PARD3B: variants seen among roughly 807,000 people sequenced by gnomAD.
PARD3B encodes the protein par-3 family cell polarity regulator beta, also known as partitioning defective 3 homolog B.
Under a neutral mutation model 130.2 loss-of-function variants are expected in PARD3B, and 103 were observed. That is an observed-to-expected ratio of 0.79 (90% CI 0.67 to 0.93). The LOEUF (loss-of-function observed/expected upper bound fraction) is 0.93. Ranked by LOEUF, PARD3B falls within the 40% of genes least tolerant of loss-of-function variation. The pLI, the probability that PARD3B is intolerant of heterozygous loss-of-function variation, is 0.00. For synonymous variants in PARD3B, 583 were observed against 553.2 expected, an observed-to-expected ratio of 1.05 and a Z score of -0.76; for missense variants, 1,609 against 1,499.2, an observed-to-expected ratio of 1.07 and a Z score of -1.21.
chr2:205,455,831 G>A (rs539414943), intron 20 of PARD3B, among the ~76,000 whole-genome samples: 3 of 152,150 alleles, frequency 2.0e-5, no homozygotes, highest in African/African-American at 7.2e-5. Context: ...CATGTGCATA[G>A]TTCTGTGCCA....
rs558637795 is a variant in PARD3B at position 204,935,975 on chromosome 2, G to A, written c.223-29177G>A. ...TTAATATTAATTGAGTATACATTGTGTACTAGGTTCTGGGAAGGCCCTAAG... is the reference window on the plus strand; with the variant it reads ...TTAATATTAATTGAGTATACATTGTATACTAGGTTCTGGGAAGGCCCTAAG... On this transcript the variant is annotated intron_variant, in intron 2 of 22. Transcript: ENST00000406610. Among the ~76,000 whole-genome samples, 12 of 152,310 alleles carry A rather than the reference G, an allele frequency of 7.9e-5. No individual in the cohort carries two copies. The East Asian group carries it at 1.2e-3, about 15-fold the overall frequency.
intron 2 of PARD3B, among the ~76,000 whole-genome samples, chr2:204,725,858 T>C (rs1282929085): frequency 1.3e-5 from 2 of 152,186 alleles, no homozygotes; most frequent in Non-Finnish European, 2.9e-5. Flanking sequence ...TCTGATATGA[T>C]TCCTACCAAT....
Position 204,967,480 on chromosome 2 carries a change from C to T in PARD3B, c.394+2157C>T, listed in dbSNP as rs1184778998. 6.6e-6 allele frequency among the ~76,000 whole-genome samples: 1 copy of T among 152,178 alleles called. No homozygotes were observed. The highest frequency in any genetic ancestry group is 2.4e-5 in the African/African-American group (1 of 41,446). On this transcript the variant is annotated intron_variant, in intron 3 of 22. Coordinates refer to ENST00000406610, the MANE Select transcript of PARD3B (RefSeq NM_001302769.2). The surrounding 1 kb of genome is among the most constrained non-coding windows in gnomAD (Gnocchi z 4.4). ...TATGTAATATAACTCCCCTGCTTAA[C>T]GACCTTCACTGGCTTCCCATCACCC...
At position 205,047,584 on chromosome 2, in the gene PARD3B, C is replaced by A; in HGVS notation, c.398C>A (p.Thr133Asn). The A allele has an allele frequency of 6.5e-7, 1 of 1,548,414 alleles. No individual in the cohort carries two copies. The highest frequency in any genetic ancestry group is 8.7e-7 in the Non-Finnish European group (1 of 1,145,496). Residue 133 changes from threonine to asparagine, a missense_variant, in exon 4 of 23, where the codon ACT becomes AAT. Thr to Asn is a moderately conservative substitution (Grantham distance 65). Coordinates refer to ENST00000406610, the MANE Select transcript of PARD3B (RefSeq NM_001302769.2). ...EVTPSALKLG[T>N]PLLVRRSSDP... ...CACCTCTCACTTTGTCTTCCAGGCA[C>A]TCCACTGCTGGTGAGGAGAAGCAGT... is the stretch of plus-strand genomic sequence containing the variant.
intron 16 of PARD3B, among the ~76,000 whole-genome samples, chr2:205,279,307 C>G (rs1475073684): frequency 6.6e-6 from 1 of 152,042 alleles, no homozygotes; most frequent in Non-Finnish European, 1.5e-5. Flanking sequence ...TAGCCTCTAT[C>G]ACCTACACAT....
intron 4 of PARD3B, among the ~76,000 whole-genome samples, chr2:205,089,731 C>T (rs1701983473): frequency 1.3e-5 from 2 of 152,146 alleles, no homozygotes; most frequent in African/African-American, 4.8e-5. Flanking sequence ...TTATTTTGTT[C>T]AACTTTTTTG....
chr2:205,012,826 T>C (rs1390122687), intron 3 of PARD3B, among the ~76,000 whole-genome samples: 1 of 152,222 alleles, frequency 6.6e-6, no homozygotes, highest in East Asian at 1.9e-4. Flanking sequence ...TTACAATACC[T>C]CAAGGTGAAA....
intron 15 of PARD3B, among the ~76,000 whole-genome samples, chr2:205,242,242 G>C (rs184381877): frequency 1.7e-4 from 26 of 152,194 alleles, no homozygotes; most frequent in Admixed American, 7.2e-4. Flanking sequence ...TTTTCAAATA[G>C]TTTATATTAG....
chr2:205,227,254 C>G (rs1334244009), intron 15 of PARD3B, among the ~76,000 whole-genome samples: 1 of 152,104 alleles, frequency 6.6e-6, no homozygotes, highest in African/African-American at 2.4e-5. Flanking sequence ...TCTCGATGAT[C>G]TGTCCAATGC....
At chr2:205,170,972 G>A (rs17188687) in intron 11 of PARD3B, among the ~76,000 whole-genome samples, 49,998 of 151,880 alleles carry the variant, frequency 0.33, 8,565 homozygotes, top group Middle Eastern at 0.51. Flanking sequence ...AGATTCATGG[G>A]AACCTTTGAC....
intron 2 of PARD3B, among the ~76,000 whole-genome samples, chr2:204,724,215 A>G (rs2039121205): frequency 6.6e-6 from 1 of 152,168 alleles, no homozygotes; most frequent in African/African-American, 2.4e-5. Flanking sequence ...TTTCATTGGC[A>G]ATCATTTATA....
intron 16 of PARD3B, chr2:205,293,628 A>G (rs908866514): frequency 6.6e-6 from 1 of 152,226 alleles, no homozygotes; most frequent in Admixed American, 6.5e-5. Flanking sequence ...AGATGAATGA[A>G]TAATTATGGG....
In PARD3B at chr2:204,799,524, T is replaced by C. The variant is rs562549519; in HGVS notation, c.222+113242T>C. Among the ~76,000 whole-genome samples the C allele has an allele frequency of 6.6e-6, 1 of 152,256 alleles. No individual in the cohort carries two copies. The highest frequency in any genetic ancestry group is 2.1e-4 in the South Asian group (1 of 4,822). ...AGAGCCCTTGGGCCGTGAGTGAACA[T>C]TCACAGCCAGACAGTGGTCACTGTG... On this transcript the variant is annotated intron_variant, in intron 2 of 22. Coordinates refer to ENST00000406610, the MANE Select transcript of PARD3B (RefSeq NM_001302769.2). This position sits in a 1 kb window ranked among gnomAD's most constrained non-coding sequence, Gnocchi z 4.1.
chr2:204,674,588 C>T (rs1162728010), intron 1 of PARD3B, among the ~76,000 whole-genome samples: 4 of 152,068 alleles, frequency 2.6e-5, no homozygotes, highest in Non-Finnish European at 2.9e-5. Context: ...TTATGTTTGT[C>T]TTAGAGTTAG....
At chr2:205,177,773 C>T (rs1463945489) in intron 13 of PARD3B, among the ~76,000 whole-genome samples, 2 of 152,104 alleles carry the variant, frequency 1.3e-5, no homozygotes, top group Non-Finnish European at 2.9e-5. Context: ...CTGTTAGATA[C>T]TGTGTTGAGC....
intron 1 of PARD3B, among the ~76,000 whole-genome samples, chr2:204,608,299 G>C (rs2033800889): frequency 3.9e-5 from 6 of 152,170 alleles, no homozygotes; most frequent in Admixed American, 3.9e-4. Flanking sequence ...GGTTTCTATG[G>C]CTCTCCACTA....
chr2:205,394,627 T>C (rs1475786653), intron 18 of PARD3B, among the ~76,000 whole-genome samples: 1 of 152,196 alleles, frequency 6.6e-6, no homozygotes, highest in Non-Finnish European at 1.5e-5. Context: ...CAAAATATGG[T>C]TGTGTAACTG....
Position 205,142,526 on chromosome 2 carries a change from C to G in PARD3B, c.1435-16196C>G, listed in dbSNP as rs2033043941. Reference sequence around the variant, plus strand: ...ATTCTGCTGGATGCTAAACAGGAATCAAAGTTGAATTAAACATAATTTCTG... The same window carrying G: ...ATTCTGCTGGATGCTAAACAGGAATGAAAGTTGAATTAAACATAATTTCTG... On this transcript the variant is annotated intron_variant, in intron 10 of 22. Transcript: ENST00000406610. This position sits in a 1 kb window ranked among gnomAD's most constrained non-coding sequence, Gnocchi z 4.3. Among the ~76,000 whole-genome samples the G allele has an allele frequency of 6.6e-6, 1 of 152,008 alleles. No individual in the cohort carries two copies. The highest frequency in any genetic ancestry group is 2.4e-5 in the African/African-American group (1 of 41,388).
intron 2 of PARD3B, among the ~76,000 whole-genome samples, chr2:204,915,106 A>G (rs2047394418): frequency 6.6e-6 from 1 of 152,090 alleles, no homozygotes; most frequent in African/African-American, 2.4e-5. Context: ...CTCTAAGAGG[A>G]TGGTCTGGGG....
Sources: allele counts gnomAD v4.1 joint callset (sites outside exome capture counted in the v4.1 genomes callset), GRCh38; gene constraint gnomAD v4.1.1; non-coding constraint Gnocchi (gnomAD v3.1); transcripts MANE v1.5; gene names NCBI Gene and HGNC (gene_info 2026-07-23, HGNC 2026-07-21).